CTSB: variants seen among roughly 807,000 people sequenced by gnomAD.
The protein encoded by CTSB is APP secretase.
Under a neutral mutation model 44.3 loss-of-function variants are expected in CTSB, and 57 were observed. That is an observed-to-expected ratio of 1.29 (90% CI 1.04 to 1.60). The LOEUF is 1.60. Ranked by LOEUF, CTSB falls within the 40% of genes most tolerant of loss-of-function variation. The pLI is 0.00. For synonymous variants in CTSB, 320 were observed against 168.0 expected (o/e 1.91, Z -7.00); for missense variants, 768 against 443.0 (o/e 1.73, Z -6.59).
chr8:11,848,777 C>G (rs890358400), intron 5 of CTSB: 31 of 375,022 alleles, frequency 8.3e-5, no homozygotes, highest in Non-Finnish European at 5.1e-5. Flanking sequence ...CAAACCAGAC[C>G]AGGGGCCAGA....
intron 7 of CTSB, 56 bp downstream of exon 7, chr8:11,847,623 G>C (rs1813647982): frequency 2.0e-6 from 3 of 1,491,586 alleles, no homozygotes; most frequent in African/African-American, 2.8e-5. Flanking sequence ...CGTGAGGAGG[G>C]ATGCAGCAGC....
rs370575660 is a variant in CTSB at position 11,852,732 on chromosome 8, G to A, written c.127-37C>T. 3.0e-4 allele frequency: 474 copies of A among 1,590,748 alleles called. 1 individual carries two copies. In the African/African-American group the frequency reaches 5.1e-3, roughly 17 times the overall value. On this transcript the variant is annotated intron_variant, in intron 2 of 9. Transcript: ENST00000353047. ...TCACCCACTGACTGAAGGGTCTCCC[G>A]GGATGGCGGTGGATGGGCACGCTGC...
At chr8:11,848,221 A>T in intron 5 of CTSB, 69 bp from the exon 6 acceptor site, 1 of 1,439,742 alleles carries the variant, frequency 6.9e-7, no homozygotes, top group Non-Finnish European at 9.8e-7. Context: ...ACTGTGTGCT[A>T]CCCAAGTGCC....
At position 11,853,730 on chromosome 8, in the gene CTSB, G is replaced by C. The variant is rs887276124; in HGVS notation, c.-25-251C>G. The C allele has an allele frequency of 1.4e-5, 6 of 414,848 alleles. 1 individual carries two copies. The highest frequency in any genetic ancestry group is 1.2e-4 in the South Asian group (3 of 24,300). The allele number at this position is 414,848 out of a possible 1,614,324, so 25.7% of individuals were successfully genotyped here. ...AGAGCCAAGGGGCTGTGCTGGACGA[G>C]ACCGAGTCCAGGGCCTTCGCTGCTA... is the stretch of plus-strand genomic sequence containing the variant. On this transcript the variant is annotated intron_variant, in intron 1 of 9. Transcript: ENST00000353047.
intron 2 of CTSB, 30 bp from the exon 3 acceptor site, chr8:11,852,725 G>A: frequency 6.2e-7 from 1 of 1,605,156 alleles, no homozygotes; most frequent in Non-Finnish European, 8.5e-7. Context: ...TGACTGAAGG[G>A]TCTCCCGGGA....
At chr8:11,850,805 A>G in intron 4 of CTSB, 61 bp downstream of exon 4, 1 of 1,225,252 alleles carries the variant, frequency 8.2e-7, no homozygotes. Context: ...ATCCCCCAAG[A>G]CTCTCCAGTG....
intron 7 of CTSB, 74 bp from the exon 8 acceptor site, chr8:11,847,242 ACT>A: frequency 1.0e-6 from 1 of 955,804 alleles, no homozygotes; most frequent in South Asian, 1.3e-5. Context: ...TCAGCCAGTC[ACT>A]GATTTCTGGT....
At chr8:11,848,405 T>G (rs780698054) in intron 5 of CTSB, 6 of 625,122 alleles carry the variant, frequency 9.6e-6, no homozygotes, top group South Asian at 7.7e-5. Flanking sequence ...CCTGTTCATG[T>G]CCATACCAGA....
chr8:11,865,176 G>A (rs1816947058), intron 1 of CTSB, among the ~76,000 whole-genome samples: 1 of 152,080 alleles, frequency 6.6e-6, no homozygotes, highest in Non-Finnish European at 1.5e-5. Context: ...CCTTTACATG[G>A]ACCATGTGGA....
chr8:11,847,749 TCCCTCC>T lies in CTSB; in HGVS notation c.600_605del (p.Glu201_Gly202del). The T allele has an allele frequency of 1.2e-6, 2 of 1,601,978 alleles. No homozygotes were observed. The highest frequency in any genetic ancestry group is 2.7e-5 in the African/African-American group (2 of 74,184). On this transcript the variant is annotated inframe_deletion, in exon 7 of 10. Coordinates refer to ENST00000353047, the MANE Select transcript of CTSB (RefSeq NM_001908.5). ...AGATCTTGCTACACTTGGGGGTATC[TCCCTCC>T]CCCGTGCATGGGGGCCGGGAGCCGT...
chr8:11,863,070 C>G (rs986069582), intron 1 of CTSB, among the ~76,000 whole-genome samples: 2 of 152,140 alleles, frequency 1.3e-5, no homozygotes, highest in Non-Finnish European at 2.9e-5. Flanking sequence ...TCTGACACTT[C>G]GGGAGGCCAA....
chr8:11,857,044 A>G lies in CTSB; in HGVS notation c.-25-3565T>C, dbSNP rs557441829. ...AGGCTTCCTCCCTAGTGACTTTGAGATGGGAGTCTCGCTCTGTGGCACATG... is the reference window on the plus strand; with the variant it reads ...AGGCTTCCTCCCTAGTGACTTTGAGGTGGGAGTCTCGCTCTGTGGCACATG... On this transcript the variant is annotated intron_variant, in intron 1 of 9. Coordinates refer to ENST00000353047, the MANE Select transcript of CTSB (RefSeq NM_001908.5). Among the ~76,000 whole-genome samples, 6 of 152,148 alleles carry G rather than the reference A, an allele frequency of 3.9e-5. 1 individual carries two copies. The South Asian group carries it at 1.2e-3, about 32-fold the overall frequency.
rs3215434 is a variant in CTSB at position 11,847,871 on chromosome 8, A to AAGCCCCAACTGGGCGAGGC, written c.533-50_533-49insGCCTCGCCCAGTTGGGGCT. ...GAGTCAACCTACAGCCCCCACGGAG[A>AAGCCCCAACTGGGCGAGGC]AGACCTGGGGCAAGGCAAGCCTCGT... On this transcript the variant is annotated intron_variant, in intron 6 of 9. Coordinates refer to ENST00000353047, the MANE Select transcript of CTSB (RefSeq NM_001908.5). 6.4e-6 allele frequency: 10 copies of AAGCCCCAACTGGGCGAGGC among 1,555,122 alleles called. No individual in the cohort carries two copies. In the African/African-American group the frequency reaches 8.3e-5, roughly 13 times the overall value.
At chr8:11,850,438 AAAAG>A (rs1280482048) in intron 4 of CTSB, among the ~76,000 whole-genome samples, 7,342 of 67,940 alleles carry the variant, frequency 0.11, 407 homozygotes, top group African/African-American at 0.12. Flanking sequence ...AAAAAAAAAA[AAAAG>A]AAAGAAAAAG....
rs1233855032 is a variant in CTSB at position 11,852,629 on chromosome 8, C to T, written c.193G>A (p.Gly65Arg). The T allele has an allele frequency of 6.2e-7, 1 of 1,613,714 alleles. No individual in the cohort carries two copies. The highest frequency in any genetic ancestry group is 1.3e-5 in the African/African-American group (1 of 74,930). ...ACTCACCTCTGGGGTGGCTTGGGCCCACCCAGGAAGGTACCACATAGCCTC... is the reference window on the plus strand; with the variant it reads ...ACTCACCTCTGGGGTGGCTTGGGCCTACCCAGGAAGGTACCACATAGCCTC... ...LKRLCGTFLG[G>R]PKPPQRVMFT... Residue 65 changes from glycine to arginine, a missense_variant, in exon 3 of 10, where the codon GGG becomes AGG. Physicochemically the swap from Gly to Arg is moderately radical, Grantham distance 125. Transcript: ENST00000353047.
At chr8:11,867,960 G>C (rs375914191) in intron 1 of CTSB, 41 bp downstream of exon 1, 2 of 152,236 alleles carry the variant, frequency 1.3e-5, no homozygotes, top group East Asian at 3.9e-4. Context: ...TCCCCGCCAA[G>C]GTCACTTACG....
rs1563373902 is a variant in CTSB, at chr8:11,844,985, C to T, written c.*140G>A. 1.5e-6 allele frequency: 1 copy of T among 648,410 alleles called. No individual in the cohort carries two copies. Among genetic ancestry groups the T allele is most frequent in the East Asian group, 2.7e-5 (1 of 36,574 alleles). 40.2% of individuals were successfully genotyped at this position (648,410 alleles called of 1,614,324 possible). ...TGGGATGTAGCCAGGACTTGGTCTC[C>T]TTGGAAGACAGGTCTGATGTTTGGC... On this transcript the variant is annotated 3_prime_UTR_variant, in exon 10 of 10. Coordinates refer to ENST00000353047, the MANE Select transcript of CTSB (RefSeq NM_001908.5).
At chr8:11,848,185 G>A in intron 5 of CTSB, 33 bp from the exon 6 acceptor site, 1 of 1,583,332 alleles carries the variant, frequency 6.3e-7, no homozygotes, top group Non-Finnish European at 8.7e-7. Context: ...AAACCTCTGA[G>A]AGAAGCACCA....
chr8:11,850,625 T>C (rs1814413593), intron 4 of CTSB: 1 of 355,432 alleles, frequency 2.8e-6, no homozygotes, highest in Non-Finnish European at 5.2e-6. Context: ...GAAAGGGAGC[T>C]GCTTCGCCAC....
Sources: allele counts gnomAD v4.1 joint callset (sites outside exome capture counted in the v4.1 genomes callset), GRCh38; gene constraint gnomAD v4.1.1; transcripts MANE v1.5; gene names NCBI Gene and HGNC (gene_info 2026-07-23, HGNC 2026-07-21).